The following PDE4D variants were observed in gnomAD, a reference collection of about 807,000 sequenced individuals.
PDE4D encodes 3',5'-cyclic-AMP phosphodiesterase 4D.
A neutral mutation model predicts 87.4 loss-of-function variants in PDE4D; 24 were observed. That is an observed-to-expected ratio of 0.27 (90% CI 0.20 to 0.39). The LOEUF (loss-of-function observed/expected upper bound fraction) is 0.39, where lower values mean the gene tolerates loss of function less well. Ranked by LOEUF, PDE4D falls within the 10% of genes least tolerant of loss-of-function variation. The pLI, the probability that PDE4D is intolerant of heterozygous loss-of-function variation, is 1.00. For missense variants in PDE4D, 714 were observed against 1,041.0 expected (o/e 0.69, Z 4.32); for synonymous variants, 384 against 383.2 (o/e 1.00, Z -0.02).
intron 5 of PDE4D, chr5:59,166,210 C>T (rs1456141113): frequency 6.6e-6 from 1 of 152,110 alleles, no homozygotes; most frequent in East Asian, 1.9e-4. Flanking sequence ...CCCCAAAGAA[C>T]AAGATGCAGA....
At chr5:60,117,427 C>T (rs1013536494) in intron 2 of PDE4D, among the ~76,000 whole-genome samples, 15 of 152,016 alleles carry the variant, frequency 9.9e-5, no homozygotes, top group African/African-American at 3.6e-4. Context: ...ACTTTCTTTT[C>T]TTTATCCTAC....
intron 1 of PDE4D, among the ~76,000 whole-genome samples, chr5:59,509,480 C>G (rs1347439412): frequency 6.7e-6 from 1 of 149,496 alleles, no homozygotes; most frequent in African/African-American, 2.4e-5. Flanking sequence ...AAATGTTCAC[C>G]AAAGATGACT....
chr5:59,152,104 C>T (rs1386142987), intron 5 of PDE4D, among the ~76,000 whole-genome samples: 2 of 152,138 alleles, frequency 1.3e-5, no homozygotes, highest in African/African-American at 4.8e-5. Flanking sequence ...GGCTCCACAG[C>T]TTTCCAGAAT....
chr5:59,135,392 T>C (rs1482648768), intron 5 of PDE4D, among the ~76,000 whole-genome samples: 1 of 152,220 alleles, frequency 6.6e-6, no homozygotes. Context: ...AGGGACATTA[T>C]AAATTCAATT....
At chr5:59,402,179 G>A (rs1006905521) in intron 1 of PDE4D, among the ~76,000 whole-genome samples, 7 of 152,208 alleles carry the variant, frequency 4.6e-5, no homozygotes, top group Admixed American at 3.3e-4. Context: ...TTTTCCTAAG[G>A]AGGATCATCT....
intron 3 of PDE4D, chr5:59,986,609 G>C (rs1374238059): frequency 6.6e-6 from 1 of 152,204 alleles, no homozygotes; most frequent in Non-Finnish European, 1.5e-5. Flanking sequence ...CTGGTGTGTA[G>C]TAAACAGTTA....
At chr5:59,438,919 C>T (rs1285961859) in intron 1 of PDE4D, among the ~76,000 whole-genome samples, 1 of 152,190 alleles carries the variant, frequency 6.6e-6, no homozygotes, top group Non-Finnish European at 1.5e-5. Flanking sequence ...TGAATGTTCT[C>T]CTAAATGTAA....
At chr5:58,983,444 C>A (rs1050859654) in intron 11 of PDE4D, among the ~76,000 whole-genome samples, 1 of 152,172 alleles carries the variant, frequency 6.6e-6, no homozygotes, top group Non-Finnish European at 1.5e-5. Flanking sequence ...TATGGCTTGG[C>A]GCGTTAGATA....
chr5:59,628,158 T>C (rs1831121919), intron 1 of PDE4D, among the ~76,000 whole-genome samples: 1 of 152,138 alleles, frequency 6.6e-6, no homozygotes, highest in Non-Finnish European at 1.5e-5. Context: ...CTTCAAGGGG[T>C]ATTTTTAACT....
chr5:59,190,200 T>G (rs1744004855), intron 3 of PDE4D, among the ~76,000 whole-genome samples: 1 of 152,102 alleles, frequency 6.6e-6, no homozygotes, highest in South Asian at 2.1e-4. Flanking sequence ...TTGAACACCT[T>G]AGACAGGGGA....
chr5:59,084,537 G>A (rs907433243), intron 5 of PDE4D, among the ~76,000 whole-genome samples: 1 of 150,620 alleles, frequency 6.6e-6, no homozygotes, highest in South Asian at 2.1e-4. Flanking sequence ...GCAAAAAAGT[G>A]TAAAAAACAA....
chr5:59,013,966 T>A (rs2153367900), intron 6 of PDE4D, among the ~76,000 whole-genome samples: 1 of 152,338 alleles, frequency 6.6e-6, no homozygotes, highest in African/African-American at 2.4e-5. Context: ...GTGGGCTTCA[T>A]CCCTGGGATG....
chr5:59,124,544 A>ATAAT (rs1300184087), intron 5 of PDE4D, among the ~76,000 whole-genome samples: 1 of 152,184 alleles, frequency 6.6e-6, no homozygotes, highest in Non-Finnish European at 1.5e-5. Context: ...TCATTCTATT[A>ATAAT]ACCTACCCAT....
At chr5:59,951,889 A>C (rs1230725977) in intron 3 of PDE4D, among the ~76,000 whole-genome samples, 1 of 152,150 alleles carries the variant, frequency 6.6e-6, no homozygotes, top group African/African-American at 2.4e-5. Context: ...CCCGTTAAAC[A>C]TCTCTGTTAT....
upstream of PDE4D, chr5:60,490,279 C>T (rs1185024789): frequency 6.6e-6 from 1 of 152,154 alleles, no homozygotes; most frequent in Admixed American, 6.5e-5. Flanking sequence ...AAACATGTTA[C>T]TGGGACTCGA....
At chr5:59,101,753 C>CA (rs1179224200) in intron 5 of PDE4D, among the ~76,000 whole-genome samples, 1 of 150,124 alleles carries the variant, frequency 6.7e-6, no homozygotes, top group Non-Finnish European at 1.5e-5. Context: ...TCCAATAAGA[C>CA]AAAAAAGATT....
chr5:60,135,481 A>C (rs1380894005), intron 2 of PDE4D, among the ~76,000 whole-genome samples: 1 of 152,236 alleles, frequency 6.6e-6, no homozygotes, highest in East Asian at 1.9e-4. Flanking sequence ...AGCTATGAAA[A>C]AAAGTAGTCT....
At chr5:59,345,142 T>C (rs371151434) in intron 1 of PDE4D, among the ~76,000 whole-genome samples, 287 of 152,266 alleles carry the variant, frequency 1.9e-3, no homozygotes, top group African/African-American at 6.7e-3. Flanking sequence ...TTTAAATGCA[T>C]GGGTAAACAA....
At chr5:59,300,184 A>C in intron 1 of PDE4D, among the ~76,000 whole-genome samples, 1 of 151,562 alleles carries the variant, frequency 6.6e-6, no homozygotes, top group East Asian at 1.9e-4. Flanking sequence ...TGAATGAAAA[A>C]TACACTTTAT....
Sources: gnomAD v4.1 joint callset for allele counts (sites outside exome capture counted in the v4.1 genomes callset) on GRCh38, gnomAD v4.1.1 for gene constraint, MANE v1.5 for transcripts, NCBI Gene and HGNC (gene_info 2026-07-23, HGNC 2026-07-21) for gene names.